The following ARID1B variants were observed in gnomAD, a reference collection of about 807,000 sequenced individuals.
ARID1B encodes AT-rich interaction domain 1B, also known as AT-rich interactive domain-containing protein 1B.
Under a neutral mutation model 212.3 loss-of-function variants are expected in ARID1B, and 30 were observed. That is an observed-to-expected ratio of 0.14 (90% CI 0.11 to 0.19). The LOEUF is 0.19. Ranked by LOEUF, ARID1B falls within the 10% of genes least tolerant of loss-of-function variation. The pLI is 1.00. For synonymous variants in ARID1B, 1,402 were observed against 1,301.7 expected (o/e 1.08, Z -1.66); for missense variants, 2,891 against 3,204.0 (o/e 0.90, Z 2.36).
chr6:157,057,029 G>A (rs2128394875), intron 4 of ARID1B, among the ~76,000 whole-genome samples: 1 of 150,614 alleles, frequency 6.6e-6, no homozygotes, highest in African/African-American at 2.4e-5. Flanking sequence ...TTAAGACGGA[G>A]TCTCACTCTG....
In ARID1B at chr6:156,777,868, ACGGCGGCGGCGG is replaced by A. The variant is rs1291126502; in HGVS notation, c.190_201del (p.Gly64_Gly67del). 12 of 1,333,862 alleles carry A rather than the reference ACGGCGGCGGCGG, an allele frequency of 9.0e-6. No individual in the cohort carries two copies. The highest frequency in any genetic ancestry group is 2.8e-4 in the Middle Eastern group (1 of 3,590). The allele number at this position is 1,333,862 out of a possible 1,614,324, so 82.6% of individuals were successfully genotyped here. ...GGACCCATGCTGGGGGGCGGCGGCG[ACGGCGGCGGCGG>A]CCTGAACAGTGTGCACCACCACCCC... On this transcript the variant is annotated inframe_deletion, in exon 1 of 20. Transcript: ENST00000636930.
chr6:157,045,240 C>T (rs1020216665), intron 4 of ARID1B, among the ~76,000 whole-genome samples: 1 of 152,130 alleles, frequency 6.6e-6, no homozygotes, highest in Admixed American at 6.5e-5. Context: ...GTCATTAATT[C>T]ATTGATTTGC....
Position 157,206,835 on chromosome 6 carries a change from C to G in ARID1B, c.6063C>G (p.Thr2021=). 6.2e-7 allele frequency: 1 copy of G among 1,614,074 alleles called. No homozygotes were observed. Among genetic ancestry groups the G allele is most frequent in the Non-Finnish European group, 8.5e-7 (1 of 1,180,020 alleles). ...LPEDANPGPQ[T]ESSKFPFGIQ... ...AAGACGCAAACCCTGGGCCCCAGAC[C>G]GAAAGCAGTAAGTTTCCCTTTGGTA... Residue 2021 remains threonine (T), a synonymous_variant, in exon 20 of 20, where the codon ACC becomes ACG. Transcript: ENST00000636930. The surrounding 1 kb of genome is among the most constrained non-coding windows in gnomAD (Gnocchi z 6.8).
chr6:157,144,676 G>A (rs1789598099), intron 7 of ARID1B, among the ~76,000 whole-genome samples: 1 of 152,128 alleles, frequency 6.6e-6, no homozygotes, highest in South Asian at 2.1e-4. Context: ...GGGTAAGCGT[G>A]GGAAGAGGAA....
At chr6:156,935,155 GCAGT>G in intron 3 of ARID1B, among the ~76,000 whole-genome samples, 1 of 151,594 alleles carries the variant, frequency 6.6e-6, no homozygotes, top group Non-Finnish European at 1.5e-5. Context: ...GTGCAGCGGT[GCAGT>G]CAAAGTTCAC....
intron 4 of ARID1B, chr6:157,024,671 C>G (rs765467867): frequency 1.3e-5 from 2 of 152,282 alleles, no homozygotes; most frequent in African/African-American, 4.8e-5. Flanking sequence ...ACTCAGGTGG[C>G]TGAGGCAGGG....
At chr6:157,004,317 T>C (rs989566588) in intron 4 of ARID1B, among the ~76,000 whole-genome samples, 3 of 152,118 alleles carry the variant, frequency 2.0e-5, no homozygotes, top group African/African-American at 7.2e-5. Context: ...GAACTTGAAC[T>C]CTAATACTGC....
chr6:156,796,390 C>G (rs2115273815), intron 1 of ARID1B, among the ~76,000 whole-genome samples: 1 of 143,788 alleles, frequency 7.0e-6, no homozygotes, highest in Non-Finnish European at 1.5e-5. Flanking sequence ...GTCTGTAAGA[C>G]TGGACCTTTA....
At chr6:157,162,931 C>T (rs1791040115) in intron 8 of ARID1B, among the ~76,000 whole-genome samples, 1 of 152,164 alleles carries the variant, frequency 6.6e-6, no homozygotes, top group Admixed American at 6.5e-5. Flanking sequence ...GGACAGCTGT[C>T]CTTTGTAACA....
Position 156,778,136 on chromosome 6 carries a change from G to C in ARID1B, c.456G>C (p.Leu152=). 6.5e-7 allele frequency: 1 copy of C among 1,539,872 alleles called. No individual in the cohort carries two copies. Among genetic ancestry groups the C allele is most frequent in the Non-Finnish European group, 8.7e-7 (1 of 1,146,160 alleles). The part of the protein sequence containing the change: ...METGLLPNHK[L]KTVGEAPAAP... ...CGGGGCTGCTCCCCAACCACAAACT[G>C]AAAACCGTTGGCGAAGCCCCCGCCG... is the stretch of plus-strand genomic sequence containing the variant. Residue 152 remains leucine (L), a synonymous_variant, in exon 1 of 20, where the codon CTG becomes CTC. Transcript: ENST00000636930.
intron 1 of ARID1B, among the ~76,000 whole-genome samples, chr6:156,825,333 A>G (rs1341432765): frequency 6.6e-6 from 1 of 152,232 alleles, no homozygotes; most frequent in South Asian, 2.1e-4. Flanking sequence ...TTTGCACTGT[A>G]TGAGTAACTG....
At chr6:157,016,834 GTCTTATT>G (rs772468997) in intron 4 of ARID1B, among the ~76,000 whole-genome samples, 6 of 152,190 alleles carry the variant, frequency 3.9e-5, no homozygotes, top group Non-Finnish European at 2.9e-5. Flanking sequence ...AGTATTTTGA[GTCTTATT>G]TCTTATTTAT....
chr6:157,114,480 C>T (rs916013265), intron 6 of ARID1B, among the ~76,000 whole-genome samples: 139 of 137,972 alleles, frequency 1.0e-3, no homozygotes, highest in African/African-American at 3.6e-3. Context: ...GCTGAGATCA[C>T]GCCACTGCAC....
At chr6:157,022,612 T>G (rs1780389965) in intron 4 of ARID1B, 1 of 152,210 alleles carries the variant, frequency 6.6e-6, no homozygotes, top group Admixed American at 6.5e-5. Flanking sequence ...TATAGTAGAT[T>G]AACCAAGACA....
intron 4 of ARID1B, among the ~76,000 whole-genome samples, chr6:156,965,355 C>T (rs1449858281): frequency 6.6e-6 from 1 of 152,180 alleles, no homozygotes; most frequent in Non-Finnish European, 1.5e-5. Context: ...TGTCTTCCTC[C>T]AGATGTGCCC....
intron 4 of ARID1B, among the ~76,000 whole-genome samples, chr6:157,056,439 T>G (rs987700231): frequency 6.6e-6 from 1 of 152,242 alleles, no homozygotes; most frequent in African/African-American, 2.4e-5. Context: ...GCAGTTTTAT[T>G]GTTAGCTTCT....
chr6:157,128,702 T>G (rs1788324283), intron 6 of ARID1B, among the ~76,000 whole-genome samples: 2 of 152,184 alleles, frequency 1.3e-5, no homozygotes, highest in Non-Finnish European at 1.5e-5. Flanking sequence ...TACTTCATAT[T>G]CAAGAGAGAG....
At chr6:157,116,653 C>A (rs1229931759) in intron 6 of ARID1B, among the ~76,000 whole-genome samples, 1 of 151,646 alleles carries the variant, frequency 6.6e-6, no homozygotes. Flanking sequence ...CTGTGAGCCA[C>A]GAGGAAATGT....
At chr6:157,081,722 G>A (rs1258490316) in intron 4 of ARID1B, among the ~76,000 whole-genome samples, 1 of 152,152 alleles carries the variant, frequency 6.6e-6, no homozygotes. Context: ...CCATAATATG[G>A]AATTTTAAGG....
Sources: allele counts gnomAD v4.1 joint callset (sites outside exome capture counted in the v4.1 genomes callset), GRCh38; gene constraint gnomAD v4.1.1; non-coding constraint Gnocchi (gnomAD v3.1); transcripts MANE v1.5; gene names NCBI Gene and HGNC (gene_info 2026-07-23, HGNC 2026-07-21).